ZNF350: variants seen among roughly 807,000 people sequenced by gnomAD.
The protein encoded by ZNF350 is KRAB zinc finger protein ZFQR.
In ZNF350, 5 loss-of-function variants were observed where a neutral mutation model predicts 13.1. The observed-to-expected ratio is 0.38, with a 90% CI of 0.20 to 0.80. The LOEUF (loss-of-function observed/expected upper bound fraction) is 0.80, where lower values mean the gene tolerates loss of function less well. Ranked by LOEUF, ZNF350 falls within the 30% of genes least tolerant of loss-of-function variation. The probability of loss-of-function intolerance (pLI) is 0.43; values close to 1 mark genes in which losing one functional copy is unlikely to be tolerated. For synonymous variants in ZNF350, 199 were observed against 224.2 expected (o/e 0.89, Z 1.00); for missense variants, 534 against 644.2 (o/e 0.83, Z 1.85).
intron 1 of ZNF350, among the ~76,000 whole-genome samples, chr19:51,980,546 T>C (rs1328601019): frequency 6.6e-6 from 1 of 152,220 alleles, no homozygotes; most frequent in Non-Finnish European, 1.5e-5. Context: ...GAAGTGGCAA[T>C]GTTGAAATCC....
At position 51,976,219 on chromosome 19, in the gene ZNF350, G is replaced by C. The variant is rs2085893347; in HGVS notation, c.-171-1688C>G. 6.6e-6 allele frequency among the ~76,000 whole-genome samples: 1 copy of C among 152,152 alleles called. No individual in the cohort carries two copies. The highest frequency in any genetic ancestry group is 2.4e-5 in the African/African-American group (1 of 41,420). ...TTGCAAGACTACTCTGGACCGAGCA[G>C]CTGACCCCTTCTTCCACCTCCCCTT... On this transcript the variant is annotated intron_variant, in intron 1 of 4. Coordinates refer to ENST00000243644, the MANE Select transcript of ZNF350 (RefSeq NM_021632.4). This position sits in a 1 kb window ranked among gnomAD's most constrained non-coding sequence, Gnocchi z 4.5.
intron 1 of ZNF350, among the ~76,000 whole-genome samples, chr19:51,977,974 G>T (rs181763128): frequency 6.6e-6 from 1 of 152,136 alleles, no homozygotes; most frequent in Non-Finnish European, 1.5e-5. Context: ...AAGGAATGCC[G>T]CCAGATCTCA....
chr19:51,984,720 G>A (rs1294459064), intron 1 of ZNF350, among the ~76,000 whole-genome samples: 1 of 152,144 alleles, frequency 6.6e-6, no homozygotes, highest in Non-Finnish European at 1.5e-5. Context: ...GGTCCAGCCT[G>A]CAAGAATGCT....
Position 51,974,517 on chromosome 19 carries a change from C to T in ZNF350, c.-157G>A. ...CCTCTTCAGGTTATGTTTTTTGCTC[C>T]TGAGGAGTCAGAACCTGTGGGTTGA... On this transcript the variant is annotated 5_prime_UTR_variant, in exon 2 of 5. Coordinates refer to ENST00000243644, the MANE Select transcript of ZNF350 (RefSeq NM_021632.4). The T allele has an allele frequency of 1.2e-6, 1 of 866,126 alleles. No homozygotes were observed. Among genetic ancestry groups the T allele is most frequent in the Non-Finnish European group, 1.8e-6 (1 of 550,816 alleles). The allele number at this position is 866,126 out of a possible 1,614,324, so 53.7% of individuals were successfully genotyped here. A position where few individuals can be genotyped will look rare whatever the true frequency, so the allele number is the denominator to read the frequency against.
At chr19:51,973,329 C>T (rs2085798922) in intron 2 of ZNF350, 2 of 152,100 alleles carry the variant, frequency 1.3e-5, no homozygotes, top group African/African-American at 2.4e-5. Flanking sequence ...TAGGTCCACA[C>T]CCTCCCAGAA....
chr19:51,964,893 C>A lies in ZNF350; in HGVS notation c.1560G>T (p.Val520=), dbSNP rs1325581021. 1.2e-6 allele frequency: 2 copies of A among 1,612,876 alleles called. No homozygotes were observed. Among genetic ancestry groups the A allele is most frequent in the Non-Finnish European group, 1.7e-6 (2 of 1,179,016 alleles). Residue 520 remains valine, a synonymous_variant, in exon 5 of 5, where the codon GTG becomes GTT. Coordinates refer to ENST00000243644, the MANE Select transcript of ZNF350 (RefSeq NM_021632.4). ...VNAVNVVVPS[V]INYVLFYVTE... ...TAACATAAAATAAGACATAATTGAT[C>A]ACGGAAGGCACAACCACATTCACTG... is the stretch of plus-strand genomic sequence containing the variant.
intron 1 of ZNF350, among the ~76,000 whole-genome samples, chr19:51,986,089 CTCTGTCACAA>C (rs2086152974): frequency 1.3e-5 from 2 of 152,310 alleles, no homozygotes; most frequent in South Asian, 4.1e-4. Flanking sequence ...GCCACGAGGT[CTCTGTCACAA>C]CAACTCAACC....
chr19:51,982,720 A>G (rs1248617205), intron 1 of ZNF350, among the ~76,000 whole-genome samples: 1 of 152,226 alleles, frequency 6.6e-6, no homozygotes, highest in Non-Finnish European at 1.5e-5. Context: ...AAGACTTGCC[A>G]TATCAGTTAT....
At chr19:51,982,537 T>C (rs971932391) in intron 1 of ZNF350, among the ~76,000 whole-genome samples, 4 of 152,194 alleles carry the variant, frequency 2.6e-5, no homozygotes, top group African/African-American at 9.7e-5. Context: ...ATTTTAACAG[T>C]TTTAAATAAA....
At chr19:51,968,979 G>C in intron 3 of ZNF350, 26 bp downstream of exon 3, 15 of 1,613,926 alleles carry the variant, frequency 9.3e-6, no homozygotes, top group Non-Finnish European at 1.3e-5. Context: ...GGCACCCTCT[G>C]AGTGACACAG....
chr19:51,971,040 C>A (rs75501907), intron 2 of ZNF350, among the ~76,000 whole-genome samples: 1 of 152,168 alleles, frequency 6.6e-6, no homozygotes, highest in Admixed American at 6.5e-5. Context: ...ACCTACAGCC[C>A]TGTAATAGTG....
At chr19:51,985,358 A>C (rs10403325) in intron 1 of ZNF350, among the ~76,000 whole-genome samples, 304 of 152,370 alleles carry the variant, frequency 2.0e-3, no homozygotes, top group African/African-American at 6.5e-3. Flanking sequence ...ATGAATTATA[A>C]GCATTACAAA....
intron 2 of ZNF350, chr19:51,974,012 A>C (rs1159814547): frequency 5.2e-6 from 1 of 192,028 alleles, no homozygotes; most frequent in African/African-American, 2.3e-5. Context: ...AATCTGTTTT[A>C]TCTTCAAAAA....
At chr19:51,985,767 A>G (rs1422901116) in intron 1 of ZNF350, among the ~76,000 whole-genome samples, 1 of 152,012 alleles carries the variant, frequency 6.6e-6, no homozygotes, top group African/African-American at 2.4e-5. Flanking sequence ...AGCACTTTGG[A>G]AAGCCAAGGT....
chr19:51,968,180 G>A (rs2085630574), intron 4 of ZNF350, among the ~76,000 whole-genome samples: 1 of 152,162 alleles, frequency 6.6e-6, no homozygotes, highest in East Asian at 1.9e-4. Flanking sequence ...GGGGAGGTCA[G>A]CATTAGCCAA....
intron 1 of ZNF350, among the ~76,000 whole-genome samples, chr19:51,983,560 G>A (rs745339193): frequency 1.6e-4 from 25 of 152,110 alleles, no homozygotes; most frequent in Non-Finnish European, 3.4e-4. Flanking sequence ...ACATACTGGC[G>A]GCAATACTAC....
intron 4 of ZNF350, among the ~76,000 whole-genome samples, chr19:51,967,778 G>C (rs2085620854): frequency 6.6e-6 from 1 of 152,146 alleles, no homozygotes; most frequent in Admixed American, 6.5e-5. Flanking sequence ...TCTTCAGGCA[G>C]GTAATACCCA....
chr19:51,968,287 G>A (rs1337711495), intron 4 of ZNF350, among the ~76,000 whole-genome samples: 2 of 151,954 alleles, frequency 1.3e-5, no homozygotes, highest in Non-Finnish European at 1.5e-5. Flanking sequence ...CAAGAGAGGT[G>A]GAACAACATG....
At chr19:51,980,282 G>C (rs549431637) in intron 1 of ZNF350, among the ~76,000 whole-genome samples, 11 of 152,276 alleles carry the variant, frequency 7.2e-5, no homozygotes, top group South Asian at 2.1e-4. Context: ...TTGTTAATCT[G>C]TCTGAGCCTT....
Sources: allele counts gnomAD v4.1 joint callset (sites outside exome capture counted in the v4.1 genomes callset), GRCh38; gene constraint gnomAD v4.1.1; non-coding constraint Gnocchi (gnomAD v3.1); transcripts MANE v1.5; gene names NCBI Gene and HGNC (gene_info 2026-07-23, HGNC 2026-07-21).